Variants in BRSK1 observed in about 807,000 individuals in gnomAD.
BRSK1 encodes the protein serine/threonine-protein kinase BRSK1.
In BRSK1, 17 loss-of-function variants were observed where a neutral mutation model predicts 86.2. The ratio of observed to expected loss-of-function variants is 0.20; its 90% CI spans 0.14 to 0.30. The LOEUF is 0.30. Ranked by LOEUF, BRSK1 falls within the 10% of genes least tolerant of loss-of-function variation. BRSK1 has a pLI of 1.00. For synonymous variants in BRSK1, 464 were observed against 440.1 expected, an observed-to-expected ratio of 1.05 and a Z score of -0.68; for missense variants, 719 against 1,071.9, an observed-to-expected ratio of 0.67 and a Z score of 4.60.
Position 55,304,221 on chromosome 19 carries a change from T to C in BRSK1, c.1347+111T>C. ...TGTGCAGTCTTGAGACTTGCTTCTTTGTCCCTGGAGGGCCAAAGACCCAAG... is the reference window on the plus strand; with the variant it reads ...TGTGCAGTCTTGAGACTTGCTTCTTCGTCCCTGGAGGGCCAAAGACCCAAG... On this transcript the variant is annotated intron_variant, in intron 13 of 18. Transcript: ENST00000309383. The surrounding 1 kb of genome is among the most constrained non-coding windows in gnomAD (Gnocchi z 5.2). 8.3e-7 allele frequency: 1 copy of C among 1,206,716 alleles called. No homozygotes were observed. The highest frequency in any genetic ancestry group is 1.1e-6 in the Non-Finnish European group (1 of 869,880). The allele number at this position is 1,206,716 out of a possible 1,614,324, so 74.8% of individuals were successfully genotyped here.
At chr19:55,298,557 A>G (rs984863120) in intron 7 of BRSK1, among the ~76,000 whole-genome samples, 11 of 152,176 alleles carry the variant, frequency 7.2e-5, no homozygotes, top group African/African-American at 2.7e-4. Flanking sequence ...ATGTATCTGT[A>G]ACCCAAAATA....
intron 18 of BRSK1, 56 bp downstream of exon 18, chr19:55,308,784 CG>C (rs1376456704): frequency 2.6e-4 from 4 of 15,132 alleles, no homozygotes; most frequent in Admixed American, 8.0e-4. Context: ...CCGTGGGTGG[CG>C]GGGGGCGTGG....
intron 17 of BRSK1, among the ~76,000 whole-genome samples, chr19:55,307,442 A>G (rs983307308): frequency 2.0e-5 from 3 of 150,686 alleles, no homozygotes; most frequent in Non-Finnish European, 4.4e-5. Flanking sequence ...CCAGCTACTC[A>G]GGAGGCTGAG....
chr19:55,301,381 G>A (rs766029337), intron 7 of BRSK1, 131 bp from the exon 8 acceptor site: 5 of 1,181,620 alleles, frequency 4.2e-6, no homozygotes, highest in Non-Finnish European at 5.8e-6. Flanking sequence ...GGGGCCTTTG[G>A]CAAATTGCTG....
chr19:55,307,142 T>C (rs1368122264), intron 17 of BRSK1, among the ~76,000 whole-genome samples: 1 of 152,242 alleles, frequency 6.6e-6, no homozygotes, highest in East Asian at 1.9e-4. Flanking sequence ...TTGTCACCAA[T>C]ATTAATATGT....
chr19:55,293,214 G>A (rs1375494071), intron 4 of BRSK1, among the ~76,000 whole-genome samples: 1 of 151,968 alleles, frequency 6.6e-6, no homozygotes, highest in Non-Finnish European at 1.5e-5. Context: ...ACAAAAATTA[G>A]GCCTGGCGCG....
At chr19:55,286,968 C>A in intron 1 of BRSK1, 39 bp from the exon 2 acceptor site, 1 of 1,602,012 alleles carries the variant, frequency 6.2e-7, no homozygotes. Context: ...ACGAAGGGGA[C>A]CCGGCGGAAC....
Position 55,310,913 on chromosome 19 carries a change from G to A in BRSK1, c.2180-998G>A, listed in dbSNP as rs1441130375. Among the ~76,000 whole-genome samples, 1 of 152,104 alleles carries A rather than the reference G, an allele frequency of 6.6e-6. No homozygotes were observed. The highest frequency in any genetic ancestry group is 6.5e-5 in the Admixed American group (1 of 15,280). On this transcript the variant is annotated intron_variant, in intron 18 of 18. Transcript: ENST00000309383. This position sits in a 1 kb window ranked among gnomAD's most constrained non-coding sequence, Gnocchi z 5.0. ...ATCTCATAAAGGAGAATGGGGTGGGGGGTGCAGGCCTCCGAGTCACCGTGG... is the reference window on the plus strand; with the variant it reads ...ATCTCATAAAGGAGAATGGGGTGGGAGGTGCAGGCCTCCGAGTCACCGTGG...
intron 3 of BRSK1, among the ~76,000 whole-genome samples, chr19:55,289,160 G>C (rs576474013): frequency 1.3e-4 from 20 of 152,260 alleles, no homozygotes; most frequent in African/African-American, 4.8e-4. Flanking sequence ...ATGAGTCAAA[G>C]TGTTGGTTCC....
At position 55,304,579 on chromosome 19, in the gene BRSK1, C is replaced by CG; in HGVS notation, c.1381dup (p.Ala461GlyfsTer4). 6.3e-7 allele frequency: 1 copy of CG among 1,585,248 alleles called. No individual in the cohort carries two copies. The highest frequency in any genetic ancestry group is 1.4e-5 in the African/African-American group (1 of 72,836). On this transcript the variant is annotated frameshift_variant, in exon 14 of 19. Transcript: ENST00000309383. LOFTEE classifies it high-confidence loss of function. This position sits in a 1 kb window ranked among gnomAD's most constrained non-coding sequence, Gnocchi z 5.2. ...CCGGTCTTTTCCTTTTCACCGGAGC[C>CG]GGGGGCTGGAGATGAGGCTCGAGGC...
rs964841158 is a variant in BRSK1 at position 55,299,531 on chromosome 19, G to A, written c.679-1981G>A. Among the ~76,000 whole-genome samples, 4 of 151,628 alleles carry A rather than the reference G, an allele frequency of 2.6e-5. No homozygotes were observed. In the South Asian group the frequency reaches 6.3e-4, roughly 24 times the overall value. On this transcript the variant is annotated intron_variant, in intron 7 of 18. Coordinates refer to ENST00000309383, the MANE Select transcript of BRSK1 (RefSeq NM_032430.2). ...CACCCGAGTAGCTGGGATTACAGGC[G>A]CCCGCCACTTTGCCCGGCTAAATTT...
In BRSK1 at chr19:55,308,746, G is replaced by A. The variant is rs1461738841; in HGVS notation, c.2179+18G>A. On this transcript the variant is annotated intron_variant, in intron 18 of 18. Transcript: ENST00000309383. ...CCTGGCAGGTGGGTGGTGGGGCCGTGGGTGGTGGGGGGCGTGGGTGGCGGG... is the reference window on the plus strand; with the variant it reads ...CCTGGCAGGTGGGTGGTGGGGCCGTAGGTGGTGGGGGGCGTGGGTGGCGGG... The A allele has an allele frequency of 9.2e-7, 1 of 1,081,320 alleles. No individual in the cohort carries two copies. The highest frequency in any genetic ancestry group is 1.3e-6 in the Non-Finnish European group (1 of 777,958). The allele number at this position is 1,081,320 out of a possible 1,614,324, so 67.0% of individuals were successfully genotyped here. A position where few individuals can be genotyped will look rare whatever the true frequency, so the allele number is the denominator to read the frequency against.
At chr19:55,301,998 G>A (rs1010483867) in intron 8 of BRSK1, 139 bp from the exon 9 acceptor site, 5 of 1,038,064 alleles carry the variant, frequency 4.8e-6, no homozygotes, top group South Asian at 3.8e-5. Context: ...ACTAGAGGGC[G>A]ATGTAATATG....
Position 55,284,295 on chromosome 19 carries a change from G to A in BRSK1, c.-148G>A, listed in dbSNP as rs1208420064. 1 of 646,600 alleles carries A rather than the reference G, an allele frequency of 1.5e-6. No individual in the cohort carries two copies. The highest frequency in any genetic ancestry group is 2.2e-6 in the Non-Finnish European group (1 of 456,976). 40.1% of individuals were successfully genotyped at this position (646,600 alleles called of 1,614,324 possible). A position where few individuals can be genotyped will look rare whatever the true frequency, so the allele number is the denominator to read the frequency against. On this transcript the variant is annotated 5_prime_UTR_variant, in exon 1 of 19. Coordinates refer to ENST00000309383, the MANE Select transcript of BRSK1 (RefSeq NM_032430.2). ...CTCCGCGGCCCGCCGACTGGGGGGG[G>A]CCAGCCCAGCCCCCTGGGGACCCCC...
At position 55,303,062 on chromosome 19, in the gene BRSK1, A is replaced by T; in HGVS notation, c.1028+195A>T. 2 of 681,912 alleles carry T rather than the reference A, an allele frequency of 2.9e-6. No individual in the cohort carries two copies. The highest frequency in any genetic ancestry group is 4.9e-6 in the Non-Finnish European group (2 of 411,630). 42.2% of individuals were successfully genotyped at this position (681,912 alleles called of 1,614,324 possible). On this transcript the variant is annotated intron_variant, in intron 10 of 18. Transcript: ENST00000309383. The surrounding 1 kb of genome is among the most constrained non-coding windows in gnomAD (Gnocchi z 5.1). ...TGAGAAAGTATTAATAGATGCTGCG[A>T]CATAGTACTTACATATACATAGTAC... is the stretch of plus-strand genomic sequence containing the variant.
chr19:55,304,776 C>T lies in BRSK1; in HGVS notation c.1573C>T (p.Arg525Trp), dbSNP rs771561869. 7 of 1,553,960 alleles carry T rather than the reference C, an allele frequency of 4.5e-6. No homozygotes were observed. The Admixed American group carries it at 5.8e-5, about 13-fold the overall frequency. ...TPLHSPLHTPRASPTGTPGTT... is the reference protein window; with the variant it reads ...TPLHSPLHTPWASPTGTPGTT... The stretch of plus-strand genomic sequence containing the variant: ...CTTGCACTCGCCTCTGCACACGCCC[C>T]GGGCCAGTCCCACCGGGACCCCGGG... Residue 525 changes from arginine to tryptophan, a missense_variant, in exon 14 of 19, where the codon CGG becomes TGG. Coordinates refer to ENST00000309383, the MANE Select transcript of BRSK1 (RefSeq NM_032430.2). The surrounding 1 kb of genome is among the most constrained non-coding windows in gnomAD (Gnocchi z 5.2).
intron 3 of BRSK1, among the ~76,000 whole-genome samples, chr19:55,288,784 C>T (rs2088361838): frequency 6.6e-6 from 1 of 151,956 alleles, no homozygotes; most frequent in African/African-American, 2.4e-5. Context: ...GGGGTTTCAC[C>T]ATGTTGGTCA....
Position 55,307,793 on chromosome 19 carries a change from A to T in BRSK1, c.2090-846A>T, listed in dbSNP as rs1379100569. On this transcript the variant is annotated intron_variant, in intron 17 of 18. Coordinates refer to ENST00000309383, the MANE Select transcript of BRSK1 (RefSeq NM_032430.2). ...ACACACACACACACACACACAATTTAAAAAAAAAAAAAAAGCCCAGCACGG... is the reference window on the plus strand; with the variant it reads ...ACACACACACACACACACACAATTTTAAAAAAAAAAAAAAGCCCAGCACGG... Among the ~76,000 whole-genome samples, 66 of 114,302 alleles carry T rather than the reference A, an allele frequency of 5.8e-4. 2 individuals carry two copies. The highest frequency in any genetic ancestry group is 1.3e-3 in the South Asian group (5 of 3,998). 75.0% of individuals were successfully genotyped at this position (114,302 alleles called of 152,430 possible). A position where few individuals can be genotyped will look rare whatever the true frequency, so the allele number is the denominator to read the frequency against.
At chr19:55,308,582 CG>C in intron 17 of BRSK1, 56 bp from the exon 18 acceptor site, 2 of 1,348,496 alleles carry the variant, frequency 1.5e-6, no homozygotes, top group Non-Finnish European at 2.1e-6. Context: ...CAGGCTGGGA[CG>C]GCCTTCCCGG....
Sources: allele counts gnomAD v4.1 joint callset (sites outside exome capture counted in the v4.1 genomes callset), GRCh38; gene constraint gnomAD v4.1.1; non-coding constraint Gnocchi (gnomAD v3.1); transcripts MANE v1.5; gene names NCBI Gene and HGNC (gene_info 2026-07-23, HGNC 2026-07-21).